NINL: variants seen among roughly 807,000 people sequenced by gnomAD.
NINL encodes the protein ninein-like protein.
A neutral mutation model predicts 160.3 loss-of-function variants in NINL; 153 were observed. The observed-to-expected ratio is 0.95, with a 90% CI of 0.84 to 1.09. The LOEUF (loss-of-function observed/expected upper bound fraction) is 1.09. Ranked by LOEUF, NINL falls within the 50% of genes least tolerant of loss-of-function variation. The probability of loss-of-function intolerance (pLI) is 0.00; values close to 1 mark genes in which losing one functional copy is unlikely to be tolerated. For missense variants in NINL, 1,829 were observed against 1,764.0 expected, an observed-to-expected ratio of 1.04 and a Z score of -0.66; for synonymous variants, 800 against 734.8, an observed-to-expected ratio of 1.09 and a Z score of -1.43.
At position 25,505,132 on chromosome 20, in the gene NINL, G is replaced by A. The variant is rs768670472; in HGVS notation, c.518-54C>T. The A allele has an allele frequency of 3.9e-5, 56 of 1,449,266 alleles. 2 individuals carry two copies. The South Asian group carries it at 6.2e-4, about 16-fold the overall frequency. The allele number at this position is 1,449,266 out of a possible 1,614,324, so 89.8% of individuals were successfully genotyped here. On this transcript the variant is annotated intron_variant, in intron 5 of 23. Coordinates refer to ENST00000278886, the MANE Select transcript of NINL (RefSeq NM_025176.6). Reference sequence around the variant, plus strand: ...CCCTGATACATACACAATGGAGCACGACTCAGCCTTAGAAAGAAGGACGTT... The same window carrying A: ...CCCTGATACATACACAATGGAGCACAACTCAGCCTTAGAAAGAAGGACGTT...
chr20:25,520,575 C>A (rs143301798), intron 2 of NINL, among the ~76,000 whole-genome samples: 251 of 152,312 alleles, frequency 1.6e-3, no homozygotes, highest in African/African-American at 5.5e-3. Flanking sequence ...GGTGTCTTTG[C>A]CTCTGTATCC....
At chr20:25,467,495 T>C (rs776797029) in intron 18 of NINL, 37 bp from the exon 19 acceptor site, 1 of 1,529,094 alleles carries the variant, frequency 6.5e-7, no homozygotes, top group Non-Finnish European at 9.1e-7. Flanking sequence ...ATACCACTTG[T>C]GACCAACCAG....
chr20:25,559,026 T>C (rs2064901857), intron 1 of NINL, among the ~76,000 whole-genome samples: 1 of 152,254 alleles, frequency 6.6e-6, no homozygotes, highest in East Asian at 1.9e-4. Flanking sequence ...TGTAACACTT[T>C]TAGTTTTCAG....
At chr20:25,480,333 C>T in intron 14 of NINL, 66 bp from the exon 15 acceptor site, 1 of 1,259,060 alleles carries the variant, frequency 7.9e-7, no homozygotes, top group Non-Finnish European at 1.2e-6. Context: ...TCCAAACCTT[C>T]CAATCTGATA....
At chr20:25,496,908 A>C (rs1601149589) in intron 9 of NINL, 105 bp from the exon 10 acceptor site, 2 of 1,453,122 alleles carry the variant, frequency 1.4e-6, no homozygotes, top group East Asian at 4.6e-5. Context: ...AGAAACTAGC[A>C]CACCAACTAT....
At chr20:25,585,201 G>C (rs2065215260) in intron 1 of NINL, among the ~76,000 whole-genome samples, 1 of 152,166 alleles carries the variant, frequency 6.6e-6, no homozygotes, top group Non-Finnish European at 1.5e-5. Context: ...TCGGGAAACC[G>C]GGTTTTCAAG....
chr20:25,472,452 C>T (rs995042026), intron 17 of NINL, among the ~76,000 whole-genome samples: 3 of 147,578 alleles, frequency 2.0e-5, no homozygotes, highest in African/African-American at 5.0e-5. Flanking sequence ...CTGCAACCTC[C>T]GGAGAGGCAA....
At chr20:25,582,278 A>C (rs2065183420) in intron 1 of NINL, among the ~76,000 whole-genome samples, 1 of 152,100 alleles carries the variant, frequency 6.6e-6, no homozygotes, top group Non-Finnish European at 1.5e-5. Context: ...AAACAAACAA[A>C]AAACAAAACT....
intron 13 of NINL, among the ~76,000 whole-genome samples, chr20:25,484,448 T>C (rs889478106): frequency 8.5e-5 from 13 of 152,212 alleles, no homozygotes; most frequent in African/African-American, 3.1e-4. Flanking sequence ...GGGCAGGTGC[T>C]GGGGCATCTC....
intron 21 of NINL, among the ~76,000 whole-genome samples, chr20:25,459,867 C>T (rs1324778771): frequency 6.6e-6 from 1 of 152,176 alleles, no homozygotes; most frequent in Non-Finnish European, 1.5e-5. Flanking sequence ...ATCTACAGAC[C>T]TTGACAGTCA....
At chr20:25,457,822 G>A (rs913930603) in intron 22 of NINL, among the ~76,000 whole-genome samples, 13 of 152,148 alleles carry the variant, frequency 8.5e-5, no homozygotes, top group Non-Finnish European at 1.3e-4. Context: ...CTTTAAAGTC[G>A]CCAACCCATT....
chr20:25,556,620 G>A (rs1472134211), intron 1 of NINL, among the ~76,000 whole-genome samples: 2 of 142,832 alleles, frequency 1.4e-5, no homozygotes, highest in Non-Finnish European at 3.1e-5. Context: ...GTGAGATTCT[G>A]TGTCTAAATA....
At chr20:25,540,695 T>C (rs575880815) in intron 1 of NINL, among the ~76,000 whole-genome samples, 2 of 152,186 alleles carry the variant, frequency 1.3e-5, no homozygotes, top group African/African-American at 4.8e-5. Context: ...AAAGATGTTA[T>C]AACCCCAATA....
At chr20:25,539,404 C>T (rs1009820844) in intron 1 of NINL, among the ~76,000 whole-genome samples, 1 of 152,234 alleles carries the variant, frequency 6.6e-6, no homozygotes, top group African/African-American at 2.4e-5. Flanking sequence ...GCAGGCAGCT[C>T]AGGTCTGGGC....
intron 8 of NINL, among the ~76,000 whole-genome samples, chr20:25,500,515 A>C (rs1370347283): frequency 2.0e-5 from 3 of 152,218 alleles, no homozygotes; most frequent in Non-Finnish European, 4.4e-5. Flanking sequence ...TCATCATCAC[A>C]ACAGGCAATT....
chr20:25,518,702 A>G (rs1697383347), intron 2 of NINL, among the ~76,000 whole-genome samples: 1 of 152,038 alleles, frequency 6.6e-6, no homozygotes, highest in South Asian at 2.1e-4. Context: ...TAAACTGACT[A>G]TTTCGCTTTC....
In NINL at chr20:25,490,281, C is replaced by A. The variant is rs182536897; in HGVS notation, c.1486-296G>T. 3.3e-5 allele frequency among the ~76,000 whole-genome samples: 5 copies of A among 152,328 alleles called. No individual in the cohort carries two copies. The East Asian group carries it at 9.7e-4, about 29-fold the overall frequency. ...GAGTCATACGAGAAAGGGTGGAGAG[C>A]CGGGCACGGTGGCTCACGCCTGTAA... On this transcript the variant is annotated intron_variant, in intron 11 of 23. Coordinates refer to ENST00000278886, the MANE Select transcript of NINL (RefSeq NM_025176.6).
At chr20:25,535,164 C>T (rs1346537957) in intron 1 of NINL, among the ~76,000 whole-genome samples, 2 of 152,116 alleles carry the variant, frequency 1.3e-5, no homozygotes, top group African/African-American at 4.8e-5. Context: ...ATAAGGCCGG[C>T]ATAGAGAGAC....
At chr20:25,518,624 C>T (rs181129978) in intron 2 of NINL, among the ~76,000 whole-genome samples, 5 of 152,258 alleles carry the variant, frequency 3.3e-5, no homozygotes, top group Admixed American at 3.3e-4. Flanking sequence ...TCCAATCTGA[C>T]AAACTTTATC....
Sources: allele counts gnomAD v4.1 joint callset (sites outside exome capture counted in the v4.1 genomes callset), GRCh38; gene constraint gnomAD v4.1.1; transcripts MANE v1.5; gene names NCBI Gene and HGNC (gene_info 2026-07-23, HGNC 2026-07-21).